The following PDZD2 variants were observed in gnomAD, a reference collection of about 807,000 sequenced individuals.
PDZD2 encodes PDZ domain containing 2.
In PDZD2, 90 loss-of-function variants were observed where a neutral mutation model predicts 220.7. That is an observed-to-expected ratio of 0.41 (90% CI 0.34 to 0.49). The LOEUF is 0.49. Ranked by LOEUF, PDZD2 falls within the 20% of genes least tolerant of loss-of-function variation. The pLI, the probability that PDZD2 is intolerant of heterozygous loss-of-function variation, is 0.28. For synonymous variants in PDZD2, 1,375 were observed against 1,450.5 expected (o/e 0.95, Z 1.18); for missense variants, 3,174 against 3,608.5 (o/e 0.88, Z 3.08).
At position 31,971,323 on chromosome 5, in the gene PDZD2, A is replaced by AG. The variant is rs1234392948; in HGVS notation, c.477-11830dup. Among the ~76,000 whole-genome samples, 2 of 152,152 alleles carry AG rather than the reference A, an allele frequency of 1.3e-5. 1 individual carries two copies. The highest frequency in any genetic ancestry group is 4.8e-5 in the African/African-American group (2 of 41,440). ...GATAAACGCTGTGTCCTCTTACAGT[A>AG]GGAAGAATGGAAGAGCAGAAAAGGC... On this transcript the variant is annotated intron_variant, in intron 2 of 24. Coordinates refer to ENST00000438447, the MANE Select transcript of PDZD2 (RefSeq NM_178140.4).
At chr5:31,954,695 G>C (rs888044296) in intron 2 of PDZD2, among the ~76,000 whole-genome samples, 2 of 152,096 alleles carry the variant, frequency 1.3e-5, no homozygotes, top group Admixed American at 1.3e-4. Flanking sequence ...TTGGGAGACC[G>C]AGGCAGGCGG....
Position 32,087,917 on chromosome 5 carries a change from G to T in PDZD2, c.4469G>T (p.Gly1490Val). The change falls in exon 20 of 25, where the codon GGT becomes GTT. Residue 1490 changes from glycine to valine, a missense_variant. Coordinates refer to ENST00000438447, the MANE Select transcript of PDZD2 (RefSeq NM_178140.4). This position sits in a 1 kb window ranked among gnomAD's most constrained non-coding sequence, Gnocchi z 4.0. ...TCCCCGAGGAGGGCCTGGGCTGCTGGTGCCCCCGCCTACCCACAATGGGCC... is the reference window on the plus strand; with the variant it reads ...TCCCCGAGGAGGGCCTGGGCTGCTGTTGCCCCCGCCTACCCACAATGGGCC... Reference protein sequence around the residue: ...TSSPRRAWAAGAPAYPQWASQ... With the variant: ...TSSPRRAWAAVAPAYPQWASQ... 1.2e-6 allele frequency: 2 copies of T among 1,613,764 alleles called. No homozygotes were observed. Among genetic ancestry groups the T allele is most frequent in the Non-Finnish European group, 1.7e-6 (2 of 1,179,892 alleles).
chr5:31,693,613 C>A (rs569352228), intron 1 of PDZD2, among the ~76,000 whole-genome samples: 4 of 148,140 alleles, frequency 2.7e-5, no homozygotes, highest in Non-Finnish European at 6.1e-5. Flanking sequence ...TCATCCCCAG[C>A]AGGGAGCTCA....
At chr5:32,101,555 T>A (rs1241897367) in intron 24 of PDZD2, among the ~76,000 whole-genome samples, 1 of 152,202 alleles carries the variant, frequency 6.6e-6, no homozygotes, top group African/African-American at 2.4e-5. Context: ...CTGACCCCTG[T>A]ACTGCAGCAG....
At chr5:31,749,702 A>G (rs963297956) in intron 1 of PDZD2, among the ~76,000 whole-genome samples, 1 of 152,202 alleles carries the variant, frequency 6.6e-6, no homozygotes, top group Non-Finnish European at 1.5e-5. Flanking sequence ...GATTACAGGC[A>G]TGAGCCTCCG....
intron 2 of PDZD2, chr5:31,847,557 A>G: frequency 2.9e-6 from 2 of 700,458 alleles, no homozygotes; most frequent in South Asian, 1.4e-5. Flanking sequence ...CTGCTGCAGC[A>G]TATTGTACTG....
Position 32,052,104 on chromosome 5 carries a change from G to A in PDZD2, c.1666-507G>A, listed in dbSNP as rs181817883. Among the ~76,000 whole-genome samples the A allele has an allele frequency of 2.7e-3, 409 of 152,324 alleles. 2 individuals carry two copies. Among genetic ancestry groups the A allele is most frequent in the African/African-American group, 8.8e-3 (365 of 41,586 alleles). ...TTAAGATCCCCAAGCAGTTCTTTAT[G>A]TGGGGGAAGAAGTCATGGCAATCTG... On this transcript the variant is annotated intron_variant, in intron 8 of 24. Coordinates refer to ENST00000438447, the MANE Select transcript of PDZD2 (RefSeq NM_178140.4).
In PDZD2 at chr5:32,085,634, C is replaced by T. The variant is rs191775892; in HGVS notation, c.3683-1497C>T. Among the ~76,000 whole-genome samples, 683 of 146,298 alleles carry T rather than the reference C, an allele frequency of 4.7e-3. 56 individuals carry two copies. The highest frequency in any genetic ancestry group is 0.017 in the African/African-American group (620 of 36,306). ...CTAATTTTTGTATTTTTAGTAGAGA[C>T]GGGAATTTCACCATGTTGGCCAGGC... On this transcript the variant is annotated intron_variant, in intron 19 of 24. Transcript: ENST00000438447.
At chr5:31,722,258 G>A (rs533125827) in intron 1 of PDZD2, among the ~76,000 whole-genome samples, 25 of 152,008 alleles carry the variant, frequency 1.6e-4, no homozygotes, top group African/African-American at 5.8e-4. Context: ...TCACCACACC[G>A]CACACTCTGC....
At chr5:31,709,485 G>GA (rs201282015) in intron 1 of PDZD2, among the ~76,000 whole-genome samples, 11 of 122,148 alleles carry the variant, frequency 9.0e-5, no homozygotes, top group African/African-American at 4.0e-4. Context: ...CCTGTCTCAG[G>GA]AAAAAAAATA....
At chr5:32,084,815 C>A (rs188786137) in intron 19 of PDZD2, among the ~76,000 whole-genome samples, 1 of 152,078 alleles carries the variant, frequency 6.6e-6, no homozygotes, top group Admixed American at 6.6e-5. Context: ...TATGAACAGG[C>A]ACTTTCAGGA....
chr5:31,719,308 A>C (rs1012698780), intron 1 of PDZD2, among the ~76,000 whole-genome samples: 1 of 152,174 alleles, frequency 6.6e-6, no homozygotes, highest in Non-Finnish European at 1.5e-5. Flanking sequence ...TGTGCAATCT[A>C]TTAGGTAAAA....
chr5:32,084,357 G>A (rs374810119), intron 19 of PDZD2, among the ~76,000 whole-genome samples: 4 of 152,346 alleles, frequency 2.6e-5, no homozygotes, highest in South Asian at 4.1e-4. Flanking sequence ...TCTGACCTCA[G>A]ACACATTGCT....
In PDZD2 at chr5:32,089,362, C is replaced by A; in HGVS notation, c.5914C>A (p.Pro1972Thr). 6.2e-7 allele frequency: 1 copy of A among 1,614,132 alleles called. No individual in the cohort carries two copies. The highest frequency in any genetic ancestry group is 1.1e-5 in the South Asian group (1 of 91,086). Residue 1972 changes from proline (P) to threonine (T), a missense_variant, in exon 20 of 25, where the codon CCC becomes ACC. By Grantham distance (38) the Pro-to-Thr change is conservative. This residue lies in a region of PDZD2 where 1,861 missense variants were observed against 2,001.0 expected (regional missense o/e 0.93). Coordinates refer to ENST00000438447, the MANE Select transcript of PDZD2 (RefSeq NM_178140.4). ...PPLATSGPLK[P>T]SVSDTSIRTF... is the part of the protein sequence containing the mutation. Reference sequence around the variant, plus strand: ...TCTTGCCACCTCTGGGCCACTGAAACCCTCAGTGTCTGACACGAGCATCAG... The same window carrying A: ...TCTTGCCACCTCTGGGCCACTGAAAACCTCAGTGTCTGACACGAGCATCAG...
chr5:32,003,815 G>A (rs1377537444), intron 5 of PDZD2, among the ~76,000 whole-genome samples: 2 of 152,092 alleles, frequency 1.3e-5, no homozygotes, highest in African/African-American at 4.8e-5. Flanking sequence ...GAGTTCAAGC[G>A]ATTCTCCTGC....
intron 2 of PDZD2, among the ~76,000 whole-genome samples, chr5:31,936,510 G>A (rs940639856): frequency 6.6e-6 from 1 of 151,564 alleles, no homozygotes; most frequent in Non-Finnish European, 1.5e-5. Context: ...CCAAGCAAGA[G>A]TTCTCTCAGT....
chr5:31,945,635 T>TC (rs1424885538), intron 2 of PDZD2, among the ~76,000 whole-genome samples: 2 of 151,914 alleles, frequency 1.3e-5, no homozygotes, highest in Admixed American at 1.3e-4. Context: ...ACCCTGTTTT[T>TC]CCCCCTTGTT....
intron 1 of PDZD2, among the ~76,000 whole-genome samples, chr5:31,673,498 G>T (rs1014852637): frequency 6.6e-6 from 1 of 152,170 alleles, no homozygotes; most frequent in Admixed American, 6.5e-5. Context: ...GTTGGGGAAA[G>T]ATTGGTGTGG....
At chr5:31,693,474 T>A (rs1747232402) in intron 1 of PDZD2, among the ~76,000 whole-genome samples, 1 of 152,044 alleles carries the variant, frequency 6.6e-6, no homozygotes, top group African/African-American at 2.4e-5. Flanking sequence ...ACTCCTGACC[T>A]CGTGATCTGC....
Sources: gnomAD v4.1 joint callset for allele counts (sites outside exome capture counted in the v4.1 genomes callset) on GRCh38, gnomAD v4.1.1 for gene constraint, gnomAD v4.1.1 regional missense constraint, Gnocchi (gnomAD v3.1) non-coding constraint, MANE v1.5 for transcripts, NCBI Gene and HGNC (gene_info 2026-07-23, HGNC 2026-07-21) for gene names.